MAN2A1: variants seen among roughly 807,000 people sequenced by gnomAD.
The protein encoded by MAN2A1 is mannosidase alpha class 2A member 1, also known as alpha-mannosidase 2.
Under a neutral mutation model 142.6 loss-of-function variants are expected in MAN2A1, and 76 were observed. The observed-to-expected ratio is 0.53, with a 90% CI of 0.44 to 0.65. The LOEUF (loss-of-function observed/expected upper bound fraction) is 0.65, where lower values mean the gene tolerates loss of function less well. Among genes scored for constraint, MAN2A1 ranks in the 30% least tolerant of loss-of-function variants. The pLI, the probability that MAN2A1 is intolerant of heterozygous loss-of-function variation, is 0.00. For synonymous variants in MAN2A1, 559 were observed against 473.2 expected (o/e 1.18, Z -2.35); for missense variants, 1,311 against 1,365.1 (o/e 0.96, Z 0.62).
intron 19 of MAN2A1, among the ~76,000 whole-genome samples, chr5:109,852,256 G>T (rs781413330): frequency 2.6e-5 from 4 of 151,728 alleles, no homozygotes; most frequent in African/African-American, 9.7e-5. Context: ...ATGATTCAAT[G>T]TATTATTCTT....
At chr5:109,762,712 A>G (rs1471323313) in intron 5 of MAN2A1, among the ~76,000 whole-genome samples, 1 of 152,174 alleles carries the variant, frequency 6.6e-6, no homozygotes, top group African/African-American at 2.4e-5. Context: ...GACTCTTAGC[A>G]TGTGATATGA....
chr5:109,851,081 A>G (rs1274546245), intron 19 of MAN2A1, among the ~76,000 whole-genome samples: 1 of 152,164 alleles, frequency 6.6e-6, no homozygotes, highest in Non-Finnish European at 1.5e-5. Context: ...AGAGATTTTA[A>G]TGGGAAGCCC....
chr5:109,761,666 T>G (rs1752847316), intron 5 of MAN2A1, among the ~76,000 whole-genome samples: 1 of 152,096 alleles, frequency 6.6e-6, no homozygotes, highest in Non-Finnish European at 1.5e-5. Context: ...TTTTTTTTAT[T>G]GGTTTGTGAT....
intron 4 of MAN2A1, among the ~76,000 whole-genome samples, chr5:109,742,554 A>C (rs564657509): frequency 5.3e-5 from 8 of 152,340 alleles, no homozygotes; most frequent in Non-Finnish European, 8.8e-5. Context: ...TTTTTAAATA[A>C]GAATCCAAAC....
intron 19 of MAN2A1, 102 bp downstream of exon 19, chr5:109,847,892 A>T (rs1424670832): frequency 1.1e-6 from 1 of 872,484 alleles, no homozygotes; most frequent in Admixed American, 3.5e-5. Flanking sequence ...ATCATTTCCA[A>T]TATTGAGATT....
intron 7 of MAN2A1, 79 bp from the exon 8 acceptor site, chr5:109,774,709 C>G: frequency 9.5e-7 from 1 of 1,055,074 alleles, no homozygotes; most frequent in South Asian, 1.6e-5. Context: ...TGGTTATTTC[C>G]TTTTTAATCA....
Position 109,817,287 on chromosome 5 carries a change from A to C in MAN2A1, c.1958A>C (p.Tyr653Ser). 6.2e-7 allele frequency: 1 copy of C among 1,614,090 alleles called. No individual in the cohort carries two copies. The highest frequency in any genetic ancestry group is 8.5e-7 in the Non-Finnish European group (1 of 1,179,966). Residue 653 changes from tyrosine to serine, a missense_variant, in exon 13 of 22, where the codon TAT (tyrosine) becomes TCT (serine). Physicochemically the swap from Tyr to Ser is moderately radical, Grantham distance 144. Transcript: ENST00000261483. ...TGTTTTTGCAGGTACCTTGTGGTCT[A>C]TAATCCTTTAGAACAAGACCGAATC... Reference protein sequence around the residue: ...LSAEPRYLVVYNPLEQDRISL... With the variant: ...LSAEPRYLVVSNPLEQDRISL...
intron 12 of MAN2A1, among the ~76,000 whole-genome samples, chr5:109,790,467 T>A (rs79369071): frequency 2.0e-3 from 302 of 152,040 alleles, no homozygotes; most frequent in Non-Finnish European, 3.7e-3. Context: ...TAGAACGAGA[T>A]AATAAGTTTT....
intron 1 of MAN2A1, among the ~76,000 whole-genome samples, chr5:109,698,430 TCA>T (rs1450951338): frequency 6.6e-6 from 1 of 152,272 alleles, no homozygotes; most frequent in Non-Finnish European, 1.5e-5. Context: ...ATTTGTGTCC[TCA>T]CAGATTTTAG....
intron 16 of MAN2A1, among the ~76,000 whole-genome samples, chr5:109,833,721 G>C (rs1208628733): frequency 6.6e-6 from 1 of 151,720 alleles, no homozygotes; most frequent in Non-Finnish European, 1.5e-5. Flanking sequence ...GAGAGGGATT[G>C]AAGGAGTTTT....
chr5:109,759,240 A>G (rs1752772541), intron 5 of MAN2A1, among the ~76,000 whole-genome samples: 1 of 152,060 alleles, frequency 6.6e-6, no homozygotes, highest in Admixed American at 6.6e-5. Context: ...ATTTCTTTCA[A>G]CAGTGTTTTA....
chr5:109,858,748 C>T (rs1755685360), intron 20 of MAN2A1, among the ~76,000 whole-genome samples: 1 of 152,260 alleles, frequency 6.6e-6, no homozygotes, highest in African/African-American at 2.4e-5. Flanking sequence ...TGACCAACTC[C>T]TTCAGCACCA....
At chr5:109,772,864 T>C (rs1032781693) in intron 7 of MAN2A1, among the ~76,000 whole-genome samples, 2 of 151,784 alleles carry the variant, frequency 1.3e-5, no homozygotes, top group Non-Finnish European at 2.9e-5. Flanking sequence ...AATGTACAGA[T>C]GGCATCTTTT....
At chr5:109,703,138 T>A (rs1426681427) in intron 1 of MAN2A1, among the ~76,000 whole-genome samples, 1 of 152,242 alleles carries the variant, frequency 6.6e-6, no homozygotes, top group Non-Finnish European at 1.5e-5. Context: ...ATCTCAGACA[T>A]GTCAGTTGCA....
intron 7 of MAN2A1, 68 bp downstream of exon 7, chr5:109,770,609 A>T (rs1356235723): frequency 1.4e-6 from 2 of 1,407,536 alleles, no homozygotes; most frequent in Non-Finnish European, 2.0e-6. Context: ...TAGTTGCTGA[A>T]GGGTTGAACA....
chr5:109,705,845 A>G (rs373716564), intron 1 of MAN2A1, among the ~76,000 whole-genome samples: 3 of 152,284 alleles, frequency 2.0e-5, no homozygotes, highest in East Asian at 3.9e-4. Context: ...CCTTCCAGCA[A>G]TAGCATCATT....
chr5:109,694,932 C>G (rs1561463497), intron 1 of MAN2A1, among the ~76,000 whole-genome samples: 2 of 152,076 alleles, frequency 1.3e-5, no homozygotes, highest in Non-Finnish European at 2.9e-5. Flanking sequence ...GGGGTTTGTT[C>G]ACGTTTGTAT....
chr5:109,743,858 T>G (rs1752333709), intron 4 of MAN2A1, among the ~76,000 whole-genome samples: 1 of 152,100 alleles, frequency 6.6e-6, no homozygotes, highest in Admixed American at 6.6e-5. Flanking sequence ...CAGGCCACTA[T>G]CCTTTGCCTG....
intron 8 of MAN2A1, among the ~76,000 whole-genome samples, chr5:109,779,854 T>C (rs1753404163): frequency 6.6e-6 from 1 of 152,086 alleles, no homozygotes; most frequent in Non-Finnish European, 1.5e-5. Context: ...CAGTTGAAAA[T>C]TGCTTATCTT....
Sources: gnomAD v4.1 joint callset for allele counts (sites outside exome capture counted in the v4.1 genomes callset) on GRCh38, gnomAD v4.1.1 for gene constraint, MANE v1.5 for transcripts, NCBI Gene and HGNC (gene_info 2026-07-23, HGNC 2026-07-21) for gene names.